The following HORMAD1 variants were observed in gnomAD, a reference collection of about 807,000 sequenced individuals.
HORMAD1 encodes HORMA domain-containing protein 1.
Under a neutral mutation model 58.2 loss-of-function variants are expected in HORMAD1, and 33 were observed. The observed-to-expected ratio is 0.57, with a 90% CI of 0.43 to 0.76. HORMAD1 has a LOEUF of 0.76. Among genes scored for constraint, HORMAD1 ranks in the 30% least tolerant of loss-of-function variants. The pLI, the probability that HORMAD1 is intolerant of heterozygous loss-of-function variation, is 0.00. For synonymous variants in HORMAD1, 137 were observed against 144.6 expected (o/e 0.95, Z 0.38); for missense variants, 363 against 462.0 (o/e 0.79, Z 1.96).
chr1:150,710,432 A>C (rs1396374346), intron 7 of HORMAD1, among the ~76,000 whole-genome samples: 1 of 152,250 alleles, frequency 6.6e-6, no homozygotes, highest in Admixed American at 6.5e-5. Flanking sequence ...CAAATGGGAT[A>C]ATTTATACAG....
At chr1:150,708,765 A>G (rs1651772932) in intron 8 of HORMAD1, 129 bp downstream of exon 8, 5 of 580,228 alleles carry the variant, frequency 8.6e-6, no homozygotes, top group Non-Finnish European at 9.1e-6. Context: ...TCCATTTTGC[A>G]TAGCCACATC....
intron 10 of HORMAD1, among the ~76,000 whole-genome samples, chr1:150,706,210 C>T (rs587694323): frequency 2.6e-5 from 4 of 152,220 alleles, no homozygotes; most frequent in Non-Finnish European, 5.9e-5. Flanking sequence ...CCATCATTAG[C>T]CGGGAGTTAG....
Position 150,714,215 on chromosome 1 carries a change from A to C in HORMAD1, c.243-94T>G. 4 of 734,268 alleles carry C rather than the reference A, an allele frequency of 5.4e-6. No individual in the cohort carries two copies. The East Asian group carries it at 1.1e-4, about 20-fold the overall frequency. The allele number at this position is 734,268 out of a possible 1,614,324, so 45.5% of individuals were successfully genotyped here. A position where few individuals can be genotyped will look rare whatever the true frequency, so the allele number is the denominator to read the frequency against. The stretch of plus-strand genomic sequence containing the variant: ...TTCCATATTATCTCATTACTAAATA[A>C]TACAAAAATGTCTTATTAAAGCTCC... On this transcript the variant is annotated intron_variant, in intron 4 of 14. Transcript: ENST00000361824.
At chr1:150,702,773 T>C (rs1042774584) in intron 13 of HORMAD1, among the ~76,000 whole-genome samples, 11 of 152,114 alleles carry the variant, frequency 7.2e-5, no homozygotes, top group Admixed American at 4.6e-4. Flanking sequence ...AGCATTAGGA[T>C]AAATAGCTAA....
Position 150,714,122 on chromosome 1 carries a change from C to T in HORMAD1, c.243-1G>A. ...TAAAGCATCATAACATCCTAGCATC[C>T]TAAAAAAAAAATCAAGGATTCATTT... On this transcript the variant is annotated splice_acceptor_variant, in intron 4 of 14. Coordinates refer to ENST00000361824, the MANE Select transcript of HORMAD1 (RefSeq NM_032132.5). LOFTEE classifies it high-confidence loss of function. 6.6e-7 allele frequency: 1 copy of T among 1,508,210 alleles called. No individual in the cohort carries two copies. Among genetic ancestry groups the T allele is most frequent in the Non-Finnish European group, 9.1e-7 (1 of 1,103,636 alleles). The allele number at this position is 1,508,210 out of a possible 1,614,324, so 93.4% of individuals were successfully genotyped here. A position where few individuals can be genotyped will look rare whatever the true frequency, so the allele number is the denominator to read the frequency against.
chr1:150,702,824 G>A (rs1296166081), intron 13 of HORMAD1, among the ~76,000 whole-genome samples: 2 of 152,126 alleles, frequency 1.3e-5, no homozygotes, highest in Non-Finnish European at 2.9e-5. Flanking sequence ...ATTGATAGGT[G>A]CAGCAAATCA....
At position 150,703,381 on chromosome 1, in the gene HORMAD1, C is replaced by T. The variant is rs768147855; in HGVS notation, c.961G>A (p.Val321Ile). The change falls in exon 13 of 15, where the codon GTC (valine) becomes ATC (isoleucine). Residue 321 changes from valine to isoleucine, a missense_variant. Coordinates refer to ENST00000361824, the MANE Select transcript of HORMAD1 (RefSeq NM_032132.5). ...ATATCAAGTTCAGATGTTTTATTGACTAACTGCTCAACCTAAAAAAGAAAA... is the reference window on the plus strand; with the variant it reads ...ATATCAAGTTCAGATGTTTTATTGATTAACTGCTCAACCTAAAAAAGAAAA... ...SISHSQVEQL[V>I]NKTSELDMSE... 2 of 1,557,594 alleles carry T rather than the reference C, an allele frequency of 1.3e-6. No individual in the cohort carries two copies. Among genetic ancestry groups the T allele is most frequent in the Admixed American group, 3.5e-5 (2 of 56,764 alleles).
intron 13 of HORMAD1, chr1:150,701,776 AAT>A (rs1651544818): frequency 6.6e-6 from 1 of 152,194 alleles, no homozygotes; most frequent in Admixed American, 6.5e-5. Flanking sequence ...TTCCCTTAAG[AAT>A]ATGAGATTCA....
At chr1:150,718,686 G>C (rs1489565984) in intron 2 of HORMAD1, among the ~76,000 whole-genome samples, 1 of 152,000 alleles carries the variant, frequency 6.6e-6, no homozygotes, top group Non-Finnish European at 1.5e-5. Flanking sequence ...GTGCAGTGGT[G>C]TGATCTCGAC....
intron 3 of HORMAD1, among the ~76,000 whole-genome samples, chr1:150,715,392 A>G (rs1652037597): frequency 6.6e-6 from 1 of 152,220 alleles, no homozygotes; most frequent in African/African-American, 2.4e-5. Context: ...ACAGTGGAAA[A>G]GACTGAGAGT....
intron 2 of HORMAD1, among the ~76,000 whole-genome samples, chr1:150,718,344 ATTTTTT>A (rs34258924): frequency 2.0e-4 from 25 of 125,862 alleles, no homozygotes; most frequent in African/African-American, 6.6e-4. Flanking sequence ...TGCCTGGCTA[ATTTTTT>A]TTTTTTTTTT....
chr1:150,711,826 T>C lies in HORMAD1; in HGVS notation c.300+7A>G, dbSNP rs1651914925. The C allele has an allele frequency of 1.3e-6, 2 of 1,575,400 alleles. No homozygotes were observed. The highest frequency in any genetic ancestry group is 1.7e-6 in the Non-Finnish European group (2 of 1,149,298). ...AAAAAAAGAACACACAATTTAAAAA[T>C]ACTTACAGCTAGAACAACCATCCTT... On this transcript the variant is annotated splice_region_variant and intron_variant, in intron 6 of 14. Transcript: ENST00000361824.
In HORMAD1 at chr1:150,710,196, G is replaced by A. The variant is rs587714459; in HGVS notation, c.328-1235C>T. On this transcript the variant is annotated intron_variant, in intron 7 of 14. Coordinates refer to ENST00000361824, the MANE Select transcript of HORMAD1 (RefSeq NM_032132.5). ...ACTAGAAATACCCACAGGTGTGGAG[G>A]GGCAGGCCACCCCTTCAGTTATTTA... 1.2e-4 allele frequency among the ~76,000 whole-genome samples: 18 copies of A among 152,166 alleles called. No individual in the cohort carries two copies. The South Asian group carries it at 2.9e-3, about 25-fold the overall frequency.
chr1:150,710,384 C>T (rs1266416881), intron 7 of HORMAD1, among the ~76,000 whole-genome samples: 1 of 152,128 alleles, frequency 6.6e-6, no homozygotes, highest in Non-Finnish European at 1.5e-5. Context: ...AGATTAAAGA[C>T]AGTACATATC....
intron 13 of HORMAD1, among the ~76,000 whole-genome samples, chr1:150,700,452 A>T (rs1257412894): frequency 2.0e-5 from 3 of 151,954 alleles, no homozygotes; most frequent in Admixed American, 2.0e-4. Flanking sequence ...TGGATATACA[A>T]TTTTTTTAAA....
In HORMAD1 at chr1:150,717,122, A is replaced by C. The variant is rs762309177; in HGVS notation, c.178+16T>G. ...TACCATTTTAAAAGAAAGCTTTAAA[A>C]TAAATATTGTATTACCATCTAGATA... On this transcript the variant is annotated intron_variant, in intron 3 of 14. Coordinates refer to ENST00000361824, the MANE Select transcript of HORMAD1 (RefSeq NM_032132.5). The C allele has an allele frequency of 6.8e-7, 1 of 1,471,622 alleles. No homozygotes were observed. Among genetic ancestry groups the C allele is most frequent in the Non-Finnish European group, 9.2e-7 (1 of 1,088,716 alleles). 91.2% of individuals were successfully genotyped at this position (1,471,622 alleles called of 1,614,324 possible).
chr1:150,717,731 G>A (rs1652128399), intron 2 of HORMAD1, among the ~76,000 whole-genome samples: 1 of 152,048 alleles, frequency 6.6e-6, no homozygotes, highest in Non-Finnish European at 1.5e-5. Context: ...AGGAGTTCAA[G>A]ACCAGCCTGG....
Position 150,698,735 on chromosome 1 carries a change from C to G in HORMAD1, c.1105-1G>C. On this transcript the variant is annotated splice_acceptor_variant, in intron 14 of 14. Transcript: ENST00000361824. LOFTEE classifies it high-confidence loss of function. Reference sequence around the variant, plus strand: ...TAGAAGAATCAAAGTGATGGAGGACCTGTCAAAAGAAAACAACTACTAAGA... The same window carrying G: ...TAGAAGAATCAAAGTGATGGAGGACGTGTCAAAAGAAAACAACTACTAAGA... 1 of 1,571,242 alleles carries G rather than the reference C, an allele frequency of 6.4e-7. No homozygotes were observed. Among genetic ancestry groups the G allele is most frequent in the Non-Finnish European group, 8.7e-7 (1 of 1,148,124 alleles).
intron 9 of HORMAD1, among the ~76,000 whole-genome samples, chr1:150,707,673 C>G: frequency 6.6e-6 from 1 of 152,322 alleles, no homozygotes; most frequent in South Asian, 2.1e-4. Flanking sequence ...CTGTGGCTCA[C>G]GCCTGTTATT....
Sources: gnomAD v4.1 joint callset for allele counts (sites outside exome capture counted in the v4.1 genomes callset) on GRCh38, gnomAD v4.1.1 for gene constraint, MANE v1.5 for transcripts, NCBI Gene and HGNC (gene_info 2026-07-23, HGNC 2026-07-21) for gene names.